DCC: variants seen among roughly 807,000 people sequenced by gnomAD.
The protein encoded by DCC is DCC netrin 1 receptor, also known as netrin receptor DCC.
A neutral mutation model predicts 172.5 loss-of-function variants in DCC; 58 were observed. That is an observed-to-expected ratio of 0.34 (90% CI 0.27 to 0.42). DCC has a LOEUF of 0.42. Ranked by LOEUF, DCC falls within the 10% of genes least tolerant of loss-of-function variation. The probability of loss-of-function intolerance (pLI) is 1.00; values close to 1 mark genes in which losing one functional copy is unlikely to be tolerated. For synonymous variants in DCC, 709 were observed against 644.5 expected (o/e 1.10, Z -1.52); for missense variants, 1,740 against 1,791.0 (o/e 0.97, Z 0.51).
chr18:52,505,617 C>T (rs1430801618), intron 1 of DCC, among the ~76,000 whole-genome samples: 2 of 152,108 alleles, frequency 1.3e-5, no homozygotes, highest in Non-Finnish European at 2.9e-5. Context: ...TTGTTGACAT[C>T]ATAATTAAAG....
intron 1 of DCC, among the ~76,000 whole-genome samples, chr18:52,528,322 A>G (rs1271366123): frequency 2.0e-5 from 3 of 152,242 alleles, no homozygotes; most frequent in Non-Finnish European, 4.4e-5. Context: ...TTCGAATATA[A>G]TGTGCCAGAT....
intron 2 of DCC, among the ~76,000 whole-genome samples, chr18:52,814,809 A>G (rs2038262800): frequency 6.6e-6 from 1 of 152,202 alleles, no homozygotes; most frequent in Non-Finnish European, 1.5e-5. Context: ...TACATTGGAA[A>G]GAGCAAATTG....
At position 53,416,153 on chromosome 18, in the gene DCC, C is replaced by A; in HGVS notation, c.3160C>A (p.Gln1054Lys). 1 of 1,606,386 alleles carries A rather than the reference C, an allele frequency of 6.2e-7. No individual in the cohort carries two copies. The highest frequency in any genetic ancestry group is 8.5e-7 in the Non-Finnish European group (1 of 1,173,076). The change falls in exon 21 of 29, where the codon CAA becomes AAA. Residue 1054 changes from glutamine (Q) to lysine (K), a missense_variant. Physicochemically the swap from Gln to Lys is moderately conservative, Grantham distance 53 (BLOSUM62 1). Around this residue, in one of 2 missense-constraint regions of DCC, gnomAD observed 1,732 missense variants for 1,767.4 expected, o/e 0.98. Transcript: ENST00000442544. The stretch of plus-strand genomic sequence containing the variant: ...ACACCCTGACAAAATGGCTAATGAC[C>A]AAGGTATGGTGGCTCAATCTGTCAT... ...VEHPDKMAND[Q>K]GRHGDGGYWP... is the part of the protein sequence containing the mutation.
chr18:53,041,417 G>A (rs1292822984), intron 5 of DCC, among the ~76,000 whole-genome samples: 1 of 152,064 alleles, frequency 6.6e-6, no homozygotes, highest in Non-Finnish European at 1.5e-5. Context: ...GGTTACTGTA[G>A]CCTTGTAGTA....
At chr18:52,803,453 A>C (rs928546301) in intron 2 of DCC, among the ~76,000 whole-genome samples, 1 of 152,192 alleles carries the variant, frequency 6.6e-6, no homozygotes, top group African/African-American at 2.4e-5. Flanking sequence ...CATTCTGTTT[A>C]CATTTCTCTC....
chr18:52,971,783 A>C (rs2145587361), intron 5 of DCC, among the ~76,000 whole-genome samples: 1 of 152,292 alleles, frequency 6.6e-6, no homozygotes, highest in South Asian at 2.1e-4. Context: ...AGAGAAGTCA[A>C]GTTGTGCAGA....
chr18:53,498,993 T>C (rs1004577140), intron 26 of DCC, among the ~76,000 whole-genome samples: 1 of 152,198 alleles, frequency 6.6e-6, no homozygotes, highest in African/African-American at 2.4e-5. Flanking sequence ...TTTTTCTCGC[T>C]TCATCACTTA....
intron 7 of DCC, among the ~76,000 whole-genome samples, chr18:53,132,603 A>G (rs74485185): frequency 0.04 from 6,092 of 152,238 alleles, 190 homozygotes; most frequent in Non-Finnish European, 0.062. Flanking sequence ...AATATAATTT[A>G]GTTTGTTATC....
chr18:52,735,713 TC>T (rs2036717215), intron 1 of DCC, among the ~76,000 whole-genome samples: 1 of 152,070 alleles, frequency 6.6e-6, no homozygotes, highest in Admixed American at 6.6e-5. Context: ...GAAGACTCCA[TC>T]TTTTTATGCT....
chr18:52,536,121 G>A (rs1386344769), intron 1 of DCC, among the ~76,000 whole-genome samples: 1 of 152,186 alleles, frequency 6.6e-6, no homozygotes, highest in Non-Finnish European at 1.5e-5. Flanking sequence ...TGGCTAGAAA[G>A]TAGAGGAAGG....
intron 5 of DCC, among the ~76,000 whole-genome samples, chr18:53,030,280 G>A (rs1484756592): frequency 6.6e-6 from 1 of 152,072 alleles, no homozygotes; most frequent in East Asian, 1.9e-4. Flanking sequence ...GGAGATATAT[G>A]CACACATTGA....
intron 1 of DCC, among the ~76,000 whole-genome samples, chr18:52,344,053 C>T (rs915985144): frequency 1.3e-5 from 2 of 152,206 alleles, no homozygotes; most frequent in African/African-American, 4.8e-5. Context: ...AGGCTTAGTG[C>T]CTTTGCTTTA....
At chr18:52,401,735 T>A (rs187230032) in intron 1 of DCC, among the ~76,000 whole-genome samples, 109 of 152,140 alleles carry the variant, frequency 7.2e-4, no homozygotes, top group African/African-American at 2.5e-3. Context: ...TGAGATTTAC[T>A]AGGAAAAGAA....
At chr18:52,840,851 T>C (rs1196210923) in intron 2 of DCC, among the ~76,000 whole-genome samples, 1 of 152,098 alleles carries the variant, frequency 6.6e-6, no homozygotes, top group East Asian at 1.9e-4. Context: ...AACACAGCAG[T>C]GAACTACAAA....
chr18:53,035,847 GGAC>G (rs1458377822), intron 5 of DCC, among the ~76,000 whole-genome samples: 1 of 151,900 alleles, frequency 6.6e-6, no homozygotes. Flanking sequence ...AAACAGTAAT[GGAC>G]ATCCTTATAC....
chr18:52,972,632 G>A (rs889626183), intron 5 of DCC, among the ~76,000 whole-genome samples: 2 of 151,420 alleles, frequency 1.3e-5, no homozygotes, highest in Non-Finnish European at 2.9e-5. Flanking sequence ...ATGTATACTG[G>A]GCCAAAAGCA....
At chr18:52,858,033 T>G (rs2039080603) in intron 2 of DCC, among the ~76,000 whole-genome samples, 1 of 152,204 alleles carries the variant, frequency 6.6e-6, no homozygotes, top group South Asian at 2.1e-4. Flanking sequence ...ATATGTTCAT[T>G]GCTGGAACCT....
chr18:52,611,418 G>A (rs1355956803), intron 1 of DCC, among the ~76,000 whole-genome samples: 2 of 151,992 alleles, frequency 1.3e-5, no homozygotes, highest in East Asian at 1.9e-4. Flanking sequence ...TCAGTACTCC[G>A]AGAGGCAGAT....
At chr18:53,165,333 T>C (rs1302726505) in intron 8 of DCC, among the ~76,000 whole-genome samples, 3 of 152,168 alleles carry the variant, frequency 2.0e-5, no homozygotes, top group Non-Finnish European at 2.9e-5. Context: ...AGAAACCAGC[T>C]TTTTCTGACT....
Sources: gnomAD v4.1 joint callset for allele counts (sites outside exome capture counted in the v4.1 genomes callset) on GRCh38, gnomAD v4.1.1 for gene constraint, gnomAD v4.1.1 regional missense constraint, MANE v1.5 for transcripts, NCBI Gene and HGNC (gene_info 2026-07-23, HGNC 2026-07-21) for gene names.